Variants in XKR4 observed in about 807,000 individuals in gnomAD.
XKR4 encodes XK-related protein 4.
In XKR4, 12 loss-of-function variants were observed where a neutral mutation model predicts 53.9. The observed-to-expected ratio is 0.22, with a 90% CI of 0.14 to 0.36. The LOEUF (loss-of-function observed/expected upper bound fraction) is 0.36. Among genes scored for constraint, XKR4 ranks in the 10% least tolerant of loss-of-function variants. XKR4 has a pLI of 1.00. For missense variants in XKR4, 799 were observed against 859.5 expected (o/e 0.93, Z 0.88); for synonymous variants, 354 against 362.4 (o/e 0.98, Z 0.26).
chr8:55,394,749 A>G (rs1804491026), intron 2 of XKR4, among the ~76,000 whole-genome samples: 1 of 152,190 alleles, frequency 6.6e-6, no homozygotes, highest in African/African-American at 2.4e-5. Flanking sequence ...CATGACATTA[A>G]TTATCACTTT....
At chr8:55,398,180 C>T (rs1385822470) in intron 2 of XKR4, among the ~76,000 whole-genome samples, 1 of 152,118 alleles carries the variant, frequency 6.6e-6, no homozygotes, top group Non-Finnish European at 1.5e-5. Flanking sequence ...CCTCTATCTC[C>T]AAAAGGGCTG....
intron 1 of XKR4, among the ~76,000 whole-genome samples, chr8:55,272,493 A>C (rs1189939465): frequency 6.6e-6 from 1 of 152,150 alleles, no homozygotes; most frequent in African/African-American, 2.4e-5. Context: ...TTTTCAGTCT[A>C]AGCCTGCTCC....
At chr8:55,473,396 C>T (rs1805919197) in intron 2 of XKR4, among the ~76,000 whole-genome samples, 1 of 152,036 alleles carries the variant, frequency 6.6e-6, no homozygotes, top group Admixed American at 6.6e-5. Context: ...TTATTCATTC[C>T]ACATTTTTCC....
chr8:55,156,566 G>A (rs937979124), intron 1 of XKR4, among the ~76,000 whole-genome samples: 1 of 152,150 alleles, frequency 6.6e-6, no homozygotes, highest in Non-Finnish European at 1.5e-5. Flanking sequence ...AGAGTTTGGC[G>A]ATAACTGAAG....
rs200926128 is a variant in XKR4 at position 55,306,939 on chromosome 8, A to G, written c.807-50739A>G. Among the ~76,000 whole-genome samples the G allele has an allele frequency of 7.5e-5, 8 of 107,270 alleles. No individual in the cohort carries two copies. The East Asian group carries it at 2.0e-3, about 27-fold the overall frequency. 70.4% of individuals were successfully genotyped at this position (107,270 alleles called of 152,430 possible). A position where few individuals can be genotyped will look rare whatever the true frequency, so the allele number is the denominator to read the frequency against. On this transcript the variant is annotated intron_variant, in intron 1 of 2. Transcript: ENST00000327381. ...AGAGCAATTGGACATCCATATGCAG[A>G]AAAAAAAAAAAAGAGCCTCAACCTA...
chr8:55,132,084 T>A (rs1816563215), intron 1 of XKR4, among the ~76,000 whole-genome samples: 1 of 152,214 alleles, frequency 6.6e-6, no homozygotes, highest in Non-Finnish European at 1.5e-5. Context: ...TCAGCAGTCA[T>A]TATAGATGGG....
intron 1 of XKR4, among the ~76,000 whole-genome samples, chr8:55,275,849 C>T (rs533658549): frequency 1.3e-5 from 2 of 152,260 alleles, no homozygotes; most frequent in East Asian, 3.9e-4. Context: ...GTCAGATTCC[C>T]CTCAGAACAC....
intron 1 of XKR4, among the ~76,000 whole-genome samples, chr8:55,182,884 G>C (rs775585241): frequency 1.0e-5 from 1 of 99,004 alleles, no homozygotes; most frequent in African/African-American, 3.8e-5. Context: ...GGGAAAAATT[G>C]AGGTCCTAAT....
intron 2 of XKR4, among the ~76,000 whole-genome samples, chr8:55,448,808 T>C (rs1563352698): frequency 6.6e-6 from 1 of 152,228 alleles, no homozygotes. Flanking sequence ...ATTATGTCTA[T>C]TCCTAGCTTC....
At chr8:55,148,417 T>G (rs962294096) in intron 1 of XKR4, among the ~76,000 whole-genome samples, 3 of 151,830 alleles carry the variant, frequency 2.0e-5, no homozygotes, top group Non-Finnish European at 4.4e-5. Context: ...AAAAAATATA[T>G]ATATATATAC....
intron 2 of XKR4, among the ~76,000 whole-genome samples, chr8:55,359,766 A>C (rs941753300): frequency 6.6e-6 from 1 of 152,112 alleles, no homozygotes; most frequent in Non-Finnish European, 1.5e-5. Context: ...ATGAGGTCAC[A>C]TTTTCAGTTT....
At chr8:55,302,809 G>T (rs1819223574) in intron 1 of XKR4, among the ~76,000 whole-genome samples, 1 of 152,168 alleles carries the variant, frequency 6.6e-6, no homozygotes, top group Non-Finnish European at 1.5e-5. Flanking sequence ...TCTGTTAGTG[G>T]TGTATAAGAA....
chr8:55,192,998 T>C (rs1158329231), intron 1 of XKR4, among the ~76,000 whole-genome samples: 1 of 151,988 alleles, frequency 6.6e-6, no homozygotes, highest in East Asian at 1.9e-4. Context: ...TTTTTGTTTC[T>C]CCTCCTTCAT....
chr8:55,337,568 T>C (rs1451115257), intron 1 of XKR4, among the ~76,000 whole-genome samples: 1 of 152,108 alleles, frequency 6.6e-6, no homozygotes, highest in Admixed American at 6.6e-5. Flanking sequence ...GGGTATATCA[T>C]ATTAACAACT....
chr8:55,252,475 C>T (rs966753215), intron 1 of XKR4, among the ~76,000 whole-genome samples: 16 of 152,268 alleles, frequency 1.1e-4, no homozygotes, highest in Admixed American at 8.5e-4. Flanking sequence ...GCTGAATACA[C>T]GGGTAGCTGG....
intron 2 of XKR4, among the ~76,000 whole-genome samples, chr8:55,388,763 A>G (rs1257048104): frequency 6.6e-6 from 1 of 152,126 alleles, no homozygotes; most frequent in East Asian, 1.9e-4. Flanking sequence ...GCTACATCCA[A>G]CTCATAGGAC....
chr8:55,287,716 C>T (rs947073237), intron 1 of XKR4, among the ~76,000 whole-genome samples: 1 of 152,206 alleles, frequency 6.6e-6, no homozygotes, highest in Non-Finnish European at 1.5e-5. Context: ...TTCCTGTCTT[C>T]GCCATCCCCG....
chr8:55,438,611 A>G (rs1805215705), intron 2 of XKR4, among the ~76,000 whole-genome samples: 3 of 147,344 alleles, frequency 2.0e-5, no homozygotes, highest in Non-Finnish European at 3.0e-5. Context: ...AAAAAAAGAG[A>G]GAGAGACTTA....
At chr8:55,387,135 C>T (rs1804330991) in intron 2 of XKR4, among the ~76,000 whole-genome samples, 1 of 152,210 alleles carries the variant, frequency 6.6e-6, no homozygotes, top group Non-Finnish European at 1.5e-5. Flanking sequence ...CAGCTGATTG[C>T]TGTACTGTTT....
Sources: allele counts gnomAD v4.1 joint callset (sites outside exome capture counted in the v4.1 genomes callset), GRCh38; gene constraint gnomAD v4.1.1; transcripts MANE v1.5; gene names NCBI Gene and HGNC (gene_info 2026-07-23, HGNC 2026-07-21).